Variants in NCOR2 observed in about 807,000 individuals in gnomAD.
NCOR2 encodes the protein CTG repeat protein 26.
In NCOR2, 81 loss-of-function variants were observed where a neutral mutation model predicts 262.9. That is an observed-to-expected ratio of 0.31 (90% CI 0.26 to 0.37). The LOEUF is 0.37. NCOR2 is among the 10% of genes least tolerant of loss of function. The pLI, the probability that NCOR2 is intolerant of heterozygous loss-of-function variation, is 1.00. For synonymous variants in NCOR2, 1,659 were observed against 1,559.3 expected (o/e 1.06, Z -1.51); for missense variants, 3,385 against 3,621.4 (o/e 0.93, Z 1.68).
At chr12:124,430,275 T>C (rs2043839787) in intron 9 of NCOR2, among the ~76,000 whole-genome samples, 1 of 152,182 alleles carries the variant, frequency 6.6e-6, no homozygotes, top group Admixed American at 6.5e-5. Flanking sequence ...GCTGACAGCG[T>C]GGTCTCTTAG....
upstream of NCOR2, among the ~76,000 whole-genome samples, chr12:124,499,906 G>C (rs1477379266): frequency 6.6e-6 from 1 of 152,134 alleles, no homozygotes; most frequent in East Asian, 1.9e-4. Flanking sequence ...GGGGGATCAG[G>C]GCAACAGCGA....
chr12:124,505,052 G>A (rs77056739), intron 1 of NCOR2, among the ~76,000 whole-genome samples: 2,281 of 152,308 alleles, frequency 0.015, 63 homozygotes, highest in African/African-American at 0.052. Flanking sequence ...CCACAAAATC[G>A]TTTGACAGGG....
In NCOR2 at chr12:124,422,556, C is replaced by T; in HGVS notation, c.1329-1G>A. ...AAAGTTCTTGGGATGCTGCATGAAC[C>T]TGCGGGACGAGAAGGGTGGGCGTGA... On this transcript the variant is annotated splice_acceptor_variant, in intron 11 of 46. Coordinates refer to ENST00000405201, the Ensembl canonical transcript of NCOR2. LOFTEE classifies it high-confidence loss of function. The T allele has an allele frequency of 6.2e-7, 1 of 1,613,964 alleles. No homozygotes were observed. Among genetic ancestry groups the T allele is most frequent in the Non-Finnish European group, 8.5e-7 (1 of 1,180,000 alleles).
chr12:124,446,446 T>C (rs539391266), intron 7 of NCOR2, among the ~76,000 whole-genome samples: 1 of 152,272 alleles, frequency 6.6e-6, no homozygotes, highest in African/African-American at 2.4e-5. Context: ...CCCCGTGACC[T>C]GGCCTGTGCC....
rs1040305236 is a variant in NCOR2 at position 124,411,069 on chromosome 12, GGAGAGAGAGAAGGGGA to G, written c.1483-8524_1483-8509del. 1.1e-4 allele frequency among the ~76,000 whole-genome samples: 12 copies of G among 111,836 alleles called. No homozygotes were observed. The South Asian group carries it at 3.8e-3, about 35-fold the overall frequency. The allele number at this position is 111,836 out of a possible 152,430, so 73.4% of individuals were successfully genotyped here. A position where few individuals can be genotyped will look rare whatever the true frequency, so the allele number is the denominator to read the frequency against. On this transcript the variant is annotated intron_variant, in intron 13 of 46. Transcript: ENST00000405201. ...GGGGAGGAGGAAGAGGAGAGATGGGGGAGAGAGAGAAGGGGAGAGAGAGAGAGAGAGCTAGAGACAG... is the reference window on the plus strand; with the variant it reads ...GGGGAGGAGGAAGAGGAGAGATGGGGGAGAGAGAGAGAGAGCTAGAGACAG...
chr12:124,359,804 T>C (rs2038381081), intron 22 of NCOR2, among the ~76,000 whole-genome samples: 1 of 152,238 alleles, frequency 6.6e-6, no homozygotes, highest in African/African-American at 2.4e-5. Context: ...AGGGACCTGC[T>C]TGGCTGAGCC....
intron 3 of NCOR2, among the ~76,000 whole-genome samples, chr12:124,477,052 C>T (rs867991937): frequency 2.0e-5 from 3 of 151,892 alleles, no homozygotes; most frequent in South Asian, 2.1e-4. Context: ...TAGGCAAATC[C>T]AGAGAGATGG....
At chr12:124,524,839 G>A (rs996754515) in intron 1 of NCOR2, among the ~76,000 whole-genome samples, 2 of 151,608 alleles carry the variant, frequency 1.3e-5, no homozygotes, top group African/African-American at 2.4e-5. Flanking sequence ...CTCACCACCC[G>A]CGATAGCACT....
intron 20 of NCOR2, among the ~76,000 whole-genome samples, chr12:124,367,626 TTTTA>T (rs1410030717): frequency 1.3e-5 from 2 of 152,118 alleles, no homozygotes; most frequent in African/African-American, 2.4e-5. Context: ...CTTTGTTTTA[TTTTA>T]TTTATTTATT....
At chr12:124,478,940 A>G (rs898273120) in intron 3 of NCOR2, among the ~76,000 whole-genome samples, 1 of 152,120 alleles carries the variant, frequency 6.6e-6, no homozygotes, top group African/African-American at 2.4e-5. Flanking sequence ...AGGCAGAGGC[A>G]TTCCTGACAA....
intron 1 of NCOR2, among the ~76,000 whole-genome samples, chr12:124,567,104 G>A (rs1374287879): frequency 6.7e-6 from 1 of 150,212 alleles, no homozygotes; most frequent in Non-Finnish European, 1.5e-5. Context: ...GTTCCCCTAA[G>A]TTCCCCGGCG....
intron 1 of NCOR2, among the ~76,000 whole-genome samples, chr12:124,510,323 G>A (rs1343344611): frequency 6.6e-6 from 1 of 152,216 alleles, no homozygotes; most frequent in African/African-American, 2.4e-5. Context: ...GGAGGAGCAG[G>A]GCAGCGGGAA....
intron 27 of NCOR2, among the ~76,000 whole-genome samples, chr12:124,351,099 A>C (rs768731024): frequency 6.6e-6 from 1 of 152,134 alleles, no homozygotes; most frequent in Non-Finnish European, 1.5e-5. Context: ...CTGGCTAATA[A>C]GGGGCAGGCG....
intron 7 of NCOR2, among the ~76,000 whole-genome samples, chr12:124,439,821 G>C (rs1292907508): frequency 6.6e-6 from 1 of 151,866 alleles, no homozygotes; most frequent in African/African-American, 2.4e-5. Context: ...ACTAGGAGAG[G>C]GAAAGAGAGA....
At chr12:124,413,593 G>A (rs1039945380) in intron 13 of NCOR2, among the ~76,000 whole-genome samples, 4 of 152,122 alleles carry the variant, frequency 2.6e-5, no homozygotes, top group African/African-American at 9.7e-5. Context: ...GTGGCCTGGA[G>A]CCACGGGCAC....
intron 6 of NCOR2, among the ~76,000 whole-genome samples, chr12:124,456,897 C>T (rs1206016040): frequency 6.6e-6 from 1 of 151,346 alleles, no homozygotes; most frequent in Non-Finnish European, 1.5e-5. Context: ...CAAGACTCCC[C>T]ACCCCCACCC....
rs2050753479 is a variant in NCOR2 at position 124,531,206 on chromosome 12, G to C, written c.-118+4359C>G. Among the ~76,000 whole-genome samples, 1 of 152,164 alleles carries C rather than the reference G, an allele frequency of 6.6e-6. No homozygotes were observed. Among genetic ancestry groups the C allele is most frequent in the Admixed American group, 6.5e-5 (1 of 15,282 alleles). Reference sequence around the variant, plus strand: ...CATGCTGAACAACAGTCCAGCCAGAGCCCACCCGTTTATGAAAGAAAATGA... The same window carrying C: ...CATGCTGAACAACAGTCCAGCCAGACCCCACCCGTTTATGAAAGAAAATGA... On this transcript the variant is annotated intron_variant, in intron 1 of 46. Coordinates refer to the NCOR2 transcript ENST00000404621. This position sits in a 1 kb window ranked among gnomAD's most constrained non-coding sequence, Gnocchi z 4.5.
At chr12:124,363,478 C>T (rs915400718) in intron 21 of NCOR2, among the ~76,000 whole-genome samples, 4 of 152,258 alleles carry the variant, frequency 2.6e-5, no homozygotes, top group African/African-American at 9.6e-5. Context: ...CCAGTTCCCG[C>T]CTTCACTGGG....
exon 8 of NCOR2, chr12:124,437,987 C>A (rs758789644): frequency 1.2e-6 from 2 of 1,610,660 alleles, no homozygotes; most frequent in Admixed American, 1.7e-5. Flanking sequence ...TCTTCCGCAT[C>A]GCCTGGTTTC....
Sources: gnomAD v4.1 joint callset for allele counts (sites outside exome capture counted in the v4.1 genomes callset) on GRCh38, gnomAD v4.1.1 for gene constraint, Gnocchi (gnomAD v3.1) non-coding constraint, MANE v1.5 for transcripts, NCBI Gene and HGNC (gene_info 2026-07-23, HGNC 2026-07-21) for gene names.